PCDHA4: variants seen among roughly 807,000 people sequenced by gnomAD.
PCDHA4 encodes protocadherin alpha-4.
Under a neutral mutation model 61.4 loss-of-function variants are expected in PCDHA4, and 49 were observed. The observed-to-expected ratio is 0.80, with a 90% CI of 0.63 to 1.01. The LOEUF (loss-of-function observed/expected upper bound fraction) is 1.01. Ranked by LOEUF, PCDHA4 falls within the 50% of genes least tolerant of loss-of-function variation. The pLI, the probability that PCDHA4 is intolerant of heterozygous loss-of-function variation, is 0.00. For synonymous variants in PCDHA4, 590 were observed against 550.3 expected, an observed-to-expected ratio of 1.07 and a Z score of -1.01; for missense variants, 1,254 against 1,235.8, an observed-to-expected ratio of 1.01 and a Z score of -0.22.
intron 1 of PCDHA4, among the ~76,000 whole-genome samples, chr5:140,958,077 A>C (rs2095408004): frequency 1.3e-5 from 2 of 152,124 alleles, no homozygotes; most frequent in African/African-American, 4.8e-5. Context: ...AGAAGCAAAA[A>C]GTAAAGTTGT....
chr5:140,829,943 G>C (rs2150178279), intron 1 of PCDHA4: 2 of 1,613,990 alleles, frequency 1.2e-6, no homozygotes, highest in East Asian at 2.2e-5. Flanking sequence ...GGCAAGCAGC[G>C]CTCGCTTCCC....
chr5:140,922,158 A>G (rs1318778340), intron 1 of PCDHA4, among the ~76,000 whole-genome samples: 1 of 149,104 alleles, frequency 6.7e-6, no homozygotes, highest in South Asian at 2.2e-4. Flanking sequence ...CATCAAAAAC[A>G]ACAAAAAGTA....
intron 1 of PCDHA4, chr5:140,858,284 T>C: frequency 6.3e-7 from 1 of 1,596,754 alleles, no homozygotes; most frequent in South Asian, 1.1e-5. Flanking sequence ...GGTGGGGAGC[T>C]GGTCTTACTC....
At chr5:140,897,833 C>T (rs1366388258) in intron 1 of PCDHA4, among the ~76,000 whole-genome samples, 14 of 152,138 alleles carry the variant, frequency 9.2e-5, no homozygotes, top group African/African-American at 3.4e-4. Flanking sequence ...TATTTCTCCA[C>T]ATCCTCTCCA....
At chr5:140,912,139 GTTC>G (rs2075787473) in intron 1 of PCDHA4, among the ~76,000 whole-genome samples, 1 of 152,162 alleles carries the variant, frequency 6.6e-6, no homozygotes. Context: ...ATCTCTCCAT[GTTC>G]TTCTGCCTGT....
At position 140,841,487 on chromosome 5, in the gene PCDHA4, C is replaced by G. The variant is rs2150316541; in HGVS notation, c.2385+31915C>G. The G allele has an allele frequency of 6.2e-7, 1 of 1,613,022 alleles. No homozygotes were observed. Among genetic ancestry groups the G allele is most frequent in the Non-Finnish European group, 8.5e-7 (1 of 1,179,924 alleles). On this transcript the variant is annotated intron_variant, in intron 1 of 3. Transcript: ENST00000530339. ...GATCGCGCAGGACCTGGGGCTGGAG[C>G]TGGCGGAGCTGGTGCCGCGCCTGTT...
chr5:140,871,032 C>G (rs1554165004), intron 1 of PCDHA4: 1 of 1,613,304 alleles, frequency 6.2e-7, no homozygotes. Flanking sequence ...ACTCGCCGCG[C>G]CACCGACTTC....
chr5:140,873,929 G>C (rs1457405512), intron 1 of PCDHA4, among the ~76,000 whole-genome samples: 3 of 152,138 alleles, frequency 2.0e-5, no homozygotes, highest in African/African-American at 7.2e-5. Flanking sequence ...CCAAAGTGCT[G>C]GGATTACAGG....
intron 1 of PCDHA4, chr5:140,815,189 A>T (rs1348855581): frequency 6.6e-6 from 1 of 152,164 alleles, no homozygotes; most frequent in Admixed American, 6.5e-5. Flanking sequence ...TTTTATTTAA[A>T]GTAATTATTG....
chr5:140,979,090 C>A, intron 2 of PCDHA4, 83 bp downstream of exon 2: 1 of 1,557,284 alleles, frequency 6.4e-7, no homozygotes, highest in Non-Finnish European at 8.7e-7. Flanking sequence ...AGGCCAGAAG[C>A]AGCTGTCAAA....
At chr5:140,956,504 T>C (rs577559329) in intron 1 of PCDHA4, among the ~76,000 whole-genome samples, 1 of 152,352 alleles carries the variant, frequency 6.6e-6, no homozygotes, top group South Asian at 2.1e-4. Context: ...TGAAGCCTAC[T>C]TGATCATGGT....
intron 1 of PCDHA4, among the ~76,000 whole-genome samples, chr5:140,956,900 A>C (rs1004581720): frequency 6.6e-6 from 1 of 152,240 alleles, no homozygotes; most frequent in East Asian, 1.9e-4. Context: ...GAATATTCTT[A>C]AATGTATAAA....
chr5:140,848,892 T>A (rs2150423742), intron 1 of PCDHA4: 2 of 1,601,494 alleles, frequency 1.2e-6, no homozygotes, highest in East Asian at 2.2e-5. Context: ...CCCTCCAGTG[T>A]TCCCAGCGAC....
At chr5:140,956,551 C>T (rs995941205) in intron 1 of PCDHA4, among the ~76,000 whole-genome samples, 1 of 152,148 alleles carries the variant, frequency 6.6e-6, no homozygotes, top group Non-Finnish European at 1.5e-5. Context: ...ATTTGGTTTG[C>T]CAGTATCTTA....
At chr5:140,828,948 C>G in intron 1 of PCDHA4, 1 of 1,614,170 alleles carries the variant, frequency 6.2e-7, no homozygotes, top group Non-Finnish European at 8.5e-7. Context: ...AGCCTTGTTG[C>G]AGCCATGGTT....
chr5:140,847,202 C>A (rs1780900949), intron 1 of PCDHA4, among the ~76,000 whole-genome samples: 1 of 149,570 alleles, frequency 6.7e-6, no homozygotes, highest in Non-Finnish European at 1.5e-5. Flanking sequence ...AATTTGGCCA[C>A]TCTTTAGAAT....
intron 1 of PCDHA4, chr5:140,817,499 T>C (rs1278332706): frequency 6.6e-6 from 1 of 152,240 alleles, no homozygotes; most frequent in African/African-American, 2.4e-5. Context: ...CTATATATGC[T>C]TTTACAAATT....
intron 1 of PCDHA4, chr5:140,968,356 C>T (rs1586289885): frequency 1.2e-6 from 2 of 1,614,062 alleles, no homozygotes; most frequent in Non-Finnish European, 1.7e-6. Context: ...CCAGTGGCAG[C>T]CTTTATGCTG....
At chr5:140,924,208 G>T (rs1197265860) in intron 1 of PCDHA4, among the ~76,000 whole-genome samples, 1 of 152,238 alleles carries the variant, frequency 6.6e-6, no homozygotes, top group Non-Finnish European at 1.5e-5. Flanking sequence ...GAAATTTGGT[G>T]AAGAATAAGT....
Sources: gnomAD v4.1 joint callset for allele counts (sites outside exome capture counted in the v4.1 genomes callset) on GRCh38, gnomAD v4.1.1 for gene constraint, MANE v1.5 for transcripts, NCBI Gene and HGNC (gene_info 2026-07-23, HGNC 2026-07-21) for gene names.